SAMM50: variants seen among roughly 807,000 people sequenced by gnomAD.
SAMM50 encodes sorting and assembly machinery component 50 homolog.
SAMM50 carries 47 observed loss-of-function variants against 66.9 expected under a neutral mutation model. The ratio of observed to expected loss-of-function variants is 0.70; its 90% CI spans 0.56 to 0.90. SAMM50 has a LOEUF of 0.90. Ranked by LOEUF, SAMM50 falls within the 40% of genes least tolerant of loss-of-function variation. The pLI is 0.00. For synonymous variants in SAMM50, 191 were observed against 214.1 expected, an observed-to-expected ratio of 0.89 and a Z score of 0.94; for missense variants, 535 against 595.3, an observed-to-expected ratio of 0.90 and a Z score of 1.05.
intron 1 of SAMM50, among the ~76,000 whole-genome samples, chr22:43,959,780 C>A (rs2050139302): frequency 6.6e-6 from 1 of 152,078 alleles, no homozygotes. Flanking sequence ...CTTATAAGTG[C>A]TTGTCACACA....
chr22:43,957,271 G>T, intron 1 of SAMM50: 1 of 657,246 alleles, frequency 1.5e-6, no homozygotes, highest in Admixed American at 2.3e-5. Flanking sequence ...CATGATTCGT[G>T]CCAAATTCTG....
chr22:43,966,175 G>A (rs985783033), intron 3 of SAMM50, among the ~76,000 whole-genome samples: 1 of 152,124 alleles, frequency 6.6e-6, no homozygotes, highest in Non-Finnish European at 1.5e-5. Context: ...CCATTGATGG[G>A]CATTTAAATT....
At chr22:43,994,471 G>T (rs1201644656) in intron 14 of SAMM50, among the ~76,000 whole-genome samples, 1 of 152,162 alleles carries the variant, frequency 6.6e-6, no homozygotes, top group Non-Finnish European at 1.5e-5. Context: ...GGTGGGAGGT[G>T]GGGTGCAAGG....
At chr22:43,971,929 C>T (rs1030975484) in intron 4 of SAMM50, among the ~76,000 whole-genome samples, 1 of 152,080 alleles carries the variant, frequency 6.6e-6, no homozygotes, top group Admixed American at 6.5e-5. Context: ...AACTCTTGGC[C>T]TGAAAGTGAT....
chr22:43,973,368 G>A (rs1378889338), intron 7 of SAMM50, 45 bp downstream of exon 7: 1 of 1,236,742 alleles, frequency 8.1e-7, no homozygotes, highest in South Asian at 1.2e-5. Flanking sequence ...GGGGAAAACA[G>A]GGTGGCTTTT....
chr22:43,968,344 GAAA>G (rs937555944), intron 3 of SAMM50, among the ~76,000 whole-genome samples: 1 of 149,014 alleles, frequency 6.7e-6, no homozygotes, highest in Non-Finnish European at 1.5e-5. Context: ...AGGGAGAGCT[GAAA>G]AAAAAAATGA....
At chr22:43,967,650 A>G (rs1271159777) in intron 3 of SAMM50, among the ~76,000 whole-genome samples, 1 of 152,206 alleles carries the variant, frequency 6.6e-6, no homozygotes, top group East Asian at 1.9e-4. Context: ...TCTGGGCAGA[A>G]TACCGCATTC....
At chr22:43,958,914 A>G (rs2050133942) in intron 1 of SAMM50, among the ~76,000 whole-genome samples, 1 of 152,214 alleles carries the variant, frequency 6.6e-6, no homozygotes, top group East Asian at 1.9e-4. Flanking sequence ...CTCAAACAGT[A>G]AGAAAACATT....
At chr22:43,975,538 C>A in intron 7 of SAMM50, 1 of 153,148 alleles carries the variant, frequency 6.5e-6, no homozygotes, top group Non-Finnish European at 1.5e-5. Context: ...CTGCTTGGAC[C>A]CCAGAATTCA....
At chr22:43,964,131 A>G (rs1049859795) in intron 2 of SAMM50, among the ~76,000 whole-genome samples, 1 of 152,170 alleles carries the variant, frequency 6.6e-6, no homozygotes, top group Non-Finnish European at 1.5e-5. Flanking sequence ...TTCACAGGCC[A>G]GTGCTCAGCA....
intron 14 of SAMM50, among the ~76,000 whole-genome samples, chr22:43,991,208 C>T (rs564339126): frequency 2.0e-5 from 3 of 151,830 alleles, no homozygotes; most frequent in African/African-American, 7.3e-5. Flanking sequence ...AAACTCCTGA[C>T]CTCGTGATCT....
At chr22:43,967,414 T>C (rs2050179047) in intron 3 of SAMM50, among the ~76,000 whole-genome samples, 1 of 152,260 alleles carries the variant, frequency 6.6e-6, no homozygotes, top group African/African-American at 2.4e-5. Context: ...GCTAGCCCAG[T>C]GCTAAGCGCC....
intron 14 of SAMM50, among the ~76,000 whole-genome samples, chr22:43,994,714 G>A (rs2050343771): frequency 6.6e-6 from 1 of 152,216 alleles, no homozygotes; most frequent in African/African-American, 2.4e-5. Flanking sequence ...GAAGGTGGAT[G>A]TTTGGGGCTG....
At chr22:43,985,723 G>A (rs996817578) in intron 12 of SAMM50, among the ~76,000 whole-genome samples, 2 of 151,968 alleles carry the variant, frequency 1.3e-5, no homozygotes, top group African/African-American at 4.9e-5. Flanking sequence ...CTGAGTCAGT[G>A]CCGGGGAGCG....
chr22:43,966,248 TG>T (rs2050172728), intron 3 of SAMM50, among the ~76,000 whole-genome samples: 1 of 152,216 alleles, frequency 6.6e-6, no homozygotes, highest in South Asian at 2.1e-4. Context: ...GTACATTGAC[TG>T]TGTTTTAGGA....
chr22:43,963,278 C>T lies in SAMM50; in HGVS notation c.22-8C>T, dbSNP rs1415732266. ...GTCATTTATCTGTGGTCGCTCCCTC[C>T]CTTTCAGAGTTTGGAGCCTCTTCCA... On this transcript the variant is annotated splice_polypyrimidine_tract_variant and splice_region_variant and intron_variant, in intron 1 of 14. Coordinates refer to ENST00000350028, the MANE Select transcript of SAMM50 (RefSeq NM_015380.5). 1.3e-6 allele frequency: 2 copies of T among 1,572,878 alleles called. No individual in the cohort carries two copies. The highest frequency in any genetic ancestry group is 8.7e-7 in the Non-Finnish European group (1 of 1,150,030).
chr22:43,956,556 C>G (rs144980586), intron 1 of SAMM50, among the ~76,000 whole-genome samples: 11 of 152,318 alleles, frequency 7.2e-5, no homozygotes, highest in African/African-American at 2.6e-4. Context: ...AGTCAATACA[C>G]TCAGACAGTG....
intron 14 of SAMM50, among the ~76,000 whole-genome samples, chr22:43,990,931 G>T (rs900111408): frequency 1.3e-5 from 2 of 152,034 alleles, no homozygotes; most frequent in Non-Finnish European, 2.9e-5. Flanking sequence ...TATAGGGCTA[G>T]TTACACAGTT....
At chr22:43,976,550 C>T (rs2050233368) in intron 8 of SAMM50, among the ~76,000 whole-genome samples, 200 bp from the exon 9 acceptor site, 1 of 152,174 alleles carries the variant, frequency 6.6e-6, no homozygotes, top group Non-Finnish European at 1.5e-5. Flanking sequence ...AGTTGAAGCT[C>T]AAGTCTCAGT....
Sources: gnomAD v4.1 joint callset for allele counts (sites outside exome capture counted in the v4.1 genomes callset) on GRCh38, gnomAD v4.1.1 for gene constraint, MANE v1.5 for transcripts, NCBI Gene and HGNC (gene_info 2026-07-23, HGNC 2026-07-21) for gene names.